Variants in VPS13B observed in about 807,000 individuals in gnomAD.
VPS13B encodes vacuolar protein sorting 13 homolog B, also known as intermembrane lipid transfer protein VPS13B.
Under a neutral mutation model 426.4 loss-of-function variants are expected in VPS13B, and 285 were observed. The observed-to-expected ratio is 0.67, with a 90% CI of 0.61 to 0.74. The LOEUF (loss-of-function observed/expected upper bound fraction) is 0.74, where lower values mean the gene tolerates loss of function less well. VPS13B is among the 30% of genes least tolerant of loss of function. VPS13B has a pLI of 0.00. For missense variants in VPS13B, 4,537 were observed against 4,782.6 expected, an observed-to-expected ratio of 0.95 and a Z score of 1.51; for synonymous variants, 1,676 against 1,676.4, an observed-to-expected ratio of 1.00 and a Z score of 0.01.
At chr8:99,384,901 A>G (rs1814031322) in intron 20 of VPS13B, among the ~76,000 whole-genome samples, 1 of 150,604 alleles carries the variant, frequency 6.6e-6, no homozygotes. Flanking sequence ...CTGGTCTTGA[A>G]CTCCTGACCT....
At chr8:99,716,260 G>A (rs1039677474) in intron 36 of VPS13B, among the ~76,000 whole-genome samples, 4 of 152,020 alleles carry the variant, frequency 2.6e-5, no homozygotes, top group Admixed American at 2.0e-4. Context: ...AAGTCAATGT[G>A]GTTACTGTAC....
chr8:99,067,618 T>C (rs1262608239), intron 3 of VPS13B, among the ~76,000 whole-genome samples: 1 of 152,260 alleles, frequency 6.6e-6, no homozygotes, highest in Non-Finnish European at 1.5e-5. Flanking sequence ...GTTGTGCACA[T>C]GTACCCTAGA....
intron 2 of VPS13B, among the ~76,000 whole-genome samples, chr8:99,017,197 A>G (rs1199543139): frequency 6.6e-6 from 1 of 151,996 alleles, no homozygotes; most frequent in African/African-American, 2.4e-5. Context: ...GTTAAGGTTA[A>G]TTTTTTTCCA....
At chr8:99,422,070 G>C (rs1816406713) in intron 21 of VPS13B, among the ~76,000 whole-genome samples, 1 of 152,124 alleles carries the variant, frequency 6.6e-6, no homozygotes, top group Non-Finnish European at 1.5e-5. Context: ...AGATAGATGG[G>C]CGTGAAGCTT....
At chr8:99,015,723 G>A (rs981922674) in intron 2 of VPS13B, among the ~76,000 whole-genome samples, 2 of 151,546 alleles carry the variant, frequency 1.3e-5, no homozygotes, top group African/African-American at 4.8e-5. Context: ...CCAACATGGT[G>A]AAACCCTGTC....
intron 43 of VPS13B, among the ~76,000 whole-genome samples, chr8:99,790,793 C>A (rs1294183933): frequency 1.3e-5 from 2 of 152,078 alleles, no homozygotes; most frequent in Non-Finnish European, 2.9e-5. Flanking sequence ...AGGCGATATT[C>A]CAGCTAAGAG....
At chr8:99,159,193 G>T (rs1237504423) in intron 15 of VPS13B, among the ~76,000 whole-genome samples, 1 of 152,222 alleles carries the variant, frequency 6.6e-6, no homozygotes, top group Non-Finnish European at 1.5e-5. Context: ...CTGAAGATAT[G>T]ACTGAATTGC....
At chr8:99,541,877 A>G (rs1361071483) in intron 30 of VPS13B, among the ~76,000 whole-genome samples, 1 of 152,294 alleles carries the variant, frequency 6.6e-6, no homozygotes, top group East Asian at 1.9e-4. Context: ...AATATATAAT[A>G]TGTTAAACAT....
intron 21 of VPS13B, among the ~76,000 whole-genome samples, chr8:99,426,000 C>G (rs1232166635): frequency 1.3e-5 from 2 of 150,878 alleles, no homozygotes; most frequent in South Asian, 4.2e-4. Context: ...CATGCTGGTG[C>G]GCTGCACCCA....
chr8:99,436,151 G>A (rs913743807), intron 22 of VPS13B, among the ~76,000 whole-genome samples: 5 of 152,096 alleles, frequency 3.3e-5, no homozygotes, highest in Non-Finnish European at 7.4e-5. Context: ...GAATTTTGAG[G>A]AGCTACTGGT....
chr8:99,771,362 A>T (rs1177908696), intron 40 of VPS13B, among the ~76,000 whole-genome samples: 3 of 152,248 alleles, frequency 2.0e-5, no homozygotes, highest in African/African-American at 7.2e-5. Context: ...GGCATCTTGG[A>T]AAGAGAAATG....
intron 33 of VPS13B, among the ~76,000 whole-genome samples, chr8:99,611,172 A>G (rs1827832128): frequency 6.6e-6 from 1 of 152,166 alleles, no homozygotes; most frequent in South Asian, 2.1e-4. Context: ...TACTGCTGCA[A>G]ACATATGTAA....
chr8:99,058,078 C>A (rs559267674), intron 3 of VPS13B, among the ~76,000 whole-genome samples: 1 of 152,060 alleles, frequency 6.6e-6, no homozygotes, highest in South Asian at 2.1e-4. Flanking sequence ...TCCAGGTGTT[C>A]CCAAGTTTTT....
chr8:99,520,208 G>A lies in VPS13B; in HGVS notation c.4634-691G>A, dbSNP rs776016121. ...CATTAGGAGGTAGAACTTTTAAAGGGGTCTGGGGTTCCAATTTCTAAAGCA... is the reference window on the plus strand; with the variant it reads ...CATTAGGAGGTAGAACTTTTAAAGGAGTCTGGGGTTCCAATTTCTAAAGCA... On this transcript the variant is annotated intron_variant, in intron 29 of 61. Transcript: ENST00000357162. 5.3e-5 allele frequency among the ~76,000 whole-genome samples: 8 copies of A among 151,968 alleles called. No individual in the cohort carries two copies. The South Asian group carries it at 1.7e-3, about 32-fold the overall frequency.
intron 39 of VPS13B, among the ~76,000 whole-genome samples, chr8:99,727,533 A>G (rs1020640533): frequency 1.3e-5 from 2 of 152,210 alleles, no homozygotes; most frequent in Non-Finnish European, 2.9e-5. Flanking sequence ...AGCAAGTCAC[A>G]TCTTACATGG....
At chr8:99,234,104 C>T in intron 17 of VPS13B, 2 of 785,674 alleles carry the variant, frequency 2.5e-6, no homozygotes, top group East Asian at 4.9e-5. Flanking sequence ...CGTGACCTTG[C>T]TCCCGGAAGA....
At chr8:99,224,930 C>T (rs913357592) in intron 17 of VPS13B, among the ~76,000 whole-genome samples, 2 of 152,132 alleles carry the variant, frequency 1.3e-5, no homozygotes, top group Non-Finnish European at 2.9e-5. Context: ...TCTTTTCTGT[C>T]ACAGAGAAAT....
At chr8:99,390,742 G>A (rs777193879) in intron 20 of VPS13B, among the ~76,000 whole-genome samples, 11 of 152,114 alleles carry the variant, frequency 7.2e-5, no homozygotes, top group East Asian at 1.9e-4. Context: ...TGGCTAAAAC[G>A]CAACGTTTGA....
At chr8:99,054,528 G>T (rs1386667383) in intron 3 of VPS13B, among the ~76,000 whole-genome samples, 1 of 152,198 alleles carries the variant, frequency 6.6e-6, no homozygotes, top group Non-Finnish European at 1.5e-5. Context: ...ACATTCTTGA[G>T]AATGTATTTT....
Sources: allele counts gnomAD v4.1 joint callset (sites outside exome capture counted in the v4.1 genomes callset), GRCh38; gene constraint gnomAD v4.1.1; transcripts MANE v1.5; gene names NCBI Gene and HGNC (gene_info 2026-07-23, HGNC 2026-07-21).